The following RAD54B variants were observed in gnomAD, a reference collection of about 807,000 sequenced individuals.
RAD54B encodes DNA repair and recombination protein RAD54B.
A neutral mutation model predicts 95.8 loss-of-function variants in RAD54B; 78 were observed. The observed-to-expected ratio is 0.81, with a 90% CI of 0.68 to 0.98. RAD54B has a LOEUF of 0.98. RAD54B is among the 50% of genes least tolerant of loss of function. The pLI is 0.00. For synonymous variants in RAD54B, 328 were observed against 354.9 expected (o/e 0.92, Z 0.85); for missense variants, 957 against 1,056.6 (o/e 0.91, Z 1.31).
At position 94,407,739 on chromosome 8, in the gene RAD54B, A is replaced by G; in HGVS notation, c.500-19T>C. On this transcript the variant is annotated intron_variant, in intron 4 of 14. Transcript: ENST00000336148. ...CCAATGCCTTTAAGTTAAGAAAGAA[A>G]AAAATTAATTGACACTCTATGATAC... 1 of 1,595,554 alleles carries G rather than the reference A, an allele frequency of 6.3e-7. No individual in the cohort carries two copies. Among genetic ancestry groups the G allele is most frequent in the Non-Finnish European group, 8.6e-7 (1 of 1,169,288 alleles).
intron 8 of RAD54B, among the ~76,000 whole-genome samples, chr8:94,396,305 A>T (rs1039336343): frequency 6.6e-6 from 1 of 151,982 alleles, no homozygotes; most frequent in African/African-American, 2.4e-5. Context: ...GTACTTACTA[A>T]GACTATTTTC....
chr8:94,410,583 T>C (rs1165395644), intron 4 of RAD54B, among the ~76,000 whole-genome samples: 4 of 152,216 alleles, frequency 2.6e-5, no homozygotes, highest in Non-Finnish European at 5.9e-5. Flanking sequence ...TCTTAATTTG[T>C]AGCCTAACTT....
At chr8:94,374,878 T>C (rs1307477491) in intron 14 of RAD54B, among the ~76,000 whole-genome samples, 3 of 152,320 alleles carry the variant, frequency 2.0e-5, no homozygotes, top group South Asian at 2.1e-4. Context: ...GCAAACAATA[T>C]GAAGAGATGG....
chr8:94,474,691 A>G (rs1813255136), intron 1 of RAD54B, among the ~76,000 whole-genome samples: 1 of 140,280 alleles, frequency 7.1e-6, no homozygotes, highest in African/African-American at 2.6e-5. Flanking sequence ...CCCAAAAGCC[A>G]AGAGGAGCCT....
chr8:94,442,013 T>C (rs780697153), intron 3 of RAD54B, among the ~76,000 whole-genome samples: 20 of 152,124 alleles, frequency 1.3e-4, no homozygotes, highest in Non-Finnish European at 2.6e-4. Flanking sequence ...CATCAACAGA[T>C]GAATAAAGAA....
intron 1 of RAD54B, among the ~76,000 whole-genome samples, chr8:94,474,166 G>A (rs779775399): frequency 4.0e-4 from 61 of 152,158 alleles, no homozygotes; most frequent in Non-Finnish European, 6.5e-4. Context: ...CTAAACATTG[G>A]GCATTCATGA....
intron 11 of RAD54B, among the ~76,000 whole-genome samples, chr8:94,381,069 A>G (rs1810727207): frequency 6.6e-6 from 1 of 152,206 alleles, no homozygotes; most frequent in Non-Finnish European, 1.5e-5. Flanking sequence ...AAACAGGAAG[A>G]TAACTTGAAT....
In RAD54B at chr8:94,378,553, C is replaced by T. The variant is rs1586117475; in HGVS notation, c.2314+15G>A. ...TCAAAGAGTATACATTTTTGTCACA[C>T]TGAAGGGTTGTTACCTGTAGTTAGG... On this transcript the variant is annotated intron_variant, in intron 13 of 14. Coordinates refer to ENST00000336148, the MANE Select transcript of RAD54B (RefSeq NM_012415.3). 6.3e-7 allele frequency: 1 copy of T among 1,585,322 alleles called. No homozygotes were observed. Among genetic ancestry groups the T allele is most frequent in the African/African-American group, 1.4e-5 (1 of 73,540 alleles).
intron 9 of RAD54B, 121 bp downstream of exon 9, chr8:94,393,622 T>G: frequency 2.1e-6 from 2 of 934,140 alleles, no homozygotes; most frequent in Non-Finnish European, 1.6e-6. Context: ...AAACGAAGGA[T>G]TGTGGAGAAA....
At chr8:94,378,073 C>T (rs1810638461) in intron 14 of RAD54B, 107 bp downstream of exon 14, 2 of 727,392 alleles carry the variant, frequency 2.7e-6, no homozygotes, top group East Asian at 8.0e-5. Context: ...ATAAAACTAA[C>T]ATATGCAAAT....
intron 3 of RAD54B, among the ~76,000 whole-genome samples, chr8:94,458,049 G>A (rs529157057): frequency 2.6e-5 from 4 of 152,260 alleles, no homozygotes; most frequent in African/African-American, 9.6e-5. Context: ...ATAATCAACA[G>A]TCTTAAGCAT....
chr8:94,400,183 T>C (rs1811237049), intron 7 of RAD54B, 55 bp downstream of exon 7: 4 of 1,474,290 alleles, frequency 2.7e-6, no homozygotes, highest in Admixed American at 3.6e-5. Context: ...GAATTACTGA[T>C]TTGAAAAACT....
intron 1 of RAD54B, among the ~76,000 whole-genome samples, chr8:94,473,454 C>A (rs965248751): frequency 6.6e-6 from 1 of 152,204 alleles, no homozygotes; most frequent in African/African-American, 2.4e-5. Context: ...GTTTCCTCAT[C>A]TTTAAGAGGG....
chr8:94,411,462 T>C (rs1811529363), intron 3 of RAD54B, 147 bp from the exon 4 acceptor site: 1 of 611,756 alleles, frequency 1.6e-6, no homozygotes, highest in Admixed American at 3.8e-5. Context: ...CATGTTAGCA[T>C]TTTATAAACT....
At chr8:94,396,069 A>C (rs1467106659) in intron 8 of RAD54B, among the ~76,000 whole-genome samples, 2 of 152,180 alleles carry the variant, frequency 1.3e-5, no homozygotes, top group African/African-American at 4.8e-5. Flanking sequence ...GATTTAGGGC[A>C]GAAAAGAAGA....
At chr8:94,467,674 G>A (rs1389472432) in intron 1 of RAD54B, 119 bp from the exon 2 acceptor site, 4 of 989,252 alleles carry the variant, frequency 4.0e-6, no homozygotes, top group African/African-American at 3.3e-5. Flanking sequence ...GGGCCTGCCT[G>A]GCCCCCCAAG....
chr8:94,419,377 A>G (rs1465832433), intron 3 of RAD54B, among the ~76,000 whole-genome samples: 1 of 152,030 alleles, frequency 6.6e-6, no homozygotes, highest in Non-Finnish European at 1.5e-5. Flanking sequence ...GCGTGGTGGC[A>G]GGCACCTGCA....
At chr8:94,419,556 T>A (rs113999468) in intron 3 of RAD54B, among the ~76,000 whole-genome samples, 2,166 of 151,372 alleles carry the variant, frequency 0.014, 46 homozygotes, top group African/African-American at 0.049. Flanking sequence ...AAAAAATAAA[T>A]CTACTGAATT....
In RAD54B at chr8:94,380,138, T is replaced by C. The variant is rs1373229852; in HGVS notation, c.2247+7A>G. The C allele has an allele frequency of 6.2e-7, 1 of 1,602,892 alleles. No individual in the cohort carries two copies. Among genetic ancestry groups the C allele is most frequent in the Admixed American group, 1.7e-5 (1 of 59,238 alleles). On this transcript the variant is annotated splice_region_variant and intron_variant, in intron 12 of 14. Coordinates refer to ENST00000336148, the MANE Select transcript of RAD54B (RefSeq NM_012415.3). Reference sequence around the variant, plus strand: ...ATAATATCTATTTAATGCATAAATATTCCTACCTGAATGTCAGTGGCTGGA... The same window carrying C: ...ATAATATCTATTTAATGCATAAATACTCCTACCTGAATGTCAGTGGCTGGA...
Sources: gnomAD v4.1 joint callset for allele counts (sites outside exome capture counted in the v4.1 genomes callset) on GRCh38, gnomAD v4.1.1 for gene constraint, MANE v1.5 for transcripts, NCBI Gene and HGNC (gene_info 2026-07-23, HGNC 2026-07-21) for gene names.